Variants in CDH18 observed in about 807,000 individuals in gnomAD.
The protein encoded by CDH18 is cadherin 18.
Under a neutral mutation model 67.9 loss-of-function variants are expected in CDH18, and 31 were observed. The observed-to-expected ratio is 0.46, with a 90% confidence interval of 0.34 to 0.62. The LOEUF (loss-of-function observed/expected upper bound fraction) is 0.62, where lower values mean the gene tolerates loss of function less well. Among genes scored for constraint, CDH18 ranks in the 20% least tolerant of loss-of-function variants. The pLI, the probability that CDH18 is intolerant of heterozygous loss-of-function variation, is 0.01. For missense variants in CDH18, 890 were observed against 975.5 expected (o/e 0.91, Z 1.17); for synonymous variants, 362 against 347.2 (o/e 1.04, Z -0.48).
intron 2 of CDH18, among the ~76,000 whole-genome samples, chr5:19,875,423 G>GATAGATAGATCCATCT (rs1332395534): frequency 6.7e-6 from 1 of 149,682 alleles, no homozygotes; most frequent in African/African-American, 2.5e-5. Context: ...TAGATAGATA[G>GATAGATAGATCCATCT]ATAGATAGAT....
At chr5:20,130,641 A>G (rs1749193873) in intron 2 of CDH18, among the ~76,000 whole-genome samples, 1 of 152,032 alleles carries the variant, frequency 6.6e-6, no homozygotes, top group Non-Finnish European at 1.5e-5. Context: ...ATTGAGAGAC[A>G]TTGAACAGTT....
chr5:20,215,893 A>G (rs1007263200), intron 2 of CDH18, among the ~76,000 whole-genome samples: 5 of 152,000 alleles, frequency 3.3e-5, no homozygotes, highest in Non-Finnish European at 5.9e-5. Flanking sequence ...CAAATACTGC[A>G]TACTCTTACT....
At chr5:20,359,442 G>A (rs1162041308) in intron 1 of CDH18, among the ~76,000 whole-genome samples, 15 of 151,922 alleles carry the variant, frequency 9.9e-5, no homozygotes, top group Non-Finnish European at 1.9e-4. Context: ...TTTGCCTTTG[G>A]GGATCTTACA....
chr5:20,281,709 A>G (rs929441391), intron 1 of CDH18, among the ~76,000 whole-genome samples: 1 of 152,128 alleles, frequency 6.6e-6, no homozygotes, highest in Non-Finnish European at 1.5e-5. Context: ...TTGGTTCCAT[A>G]TGAACTTTAA....
chr5:19,652,998 T>C (rs1755795986), intron 5 of CDH18, among the ~76,000 whole-genome samples: 1 of 152,144 alleles, frequency 6.6e-6, no homozygotes, highest in Non-Finnish European at 1.5e-5. Flanking sequence ...AACCAGAAAC[T>C]GACCTACTAT....
chr5:20,544,460 G>T (rs1252953329), intron 1 of CDH18, among the ~76,000 whole-genome samples: 2 of 152,084 alleles, frequency 1.3e-5, no homozygotes, highest in Non-Finnish European at 2.9e-5. Context: ...AATTTATAAA[G>T]AAAGGATAGT....
At chr5:20,026,971 TAAATA>T (rs1182190668) in intron 2 of CDH18, among the ~76,000 whole-genome samples, 5 of 150,742 alleles carry the variant, frequency 3.3e-5, no homozygotes, top group Middle Eastern at 3.4e-3. Flanking sequence ...AAAAAAAAAA[TAAATA>T]AAATAAAATT....
chr5:20,009,268 C>T (rs1287840482), intron 2 of CDH18, among the ~76,000 whole-genome samples: 2 of 152,024 alleles, frequency 1.3e-5, no homozygotes, highest in African/African-American at 4.8e-5. Flanking sequence ...TCCATTTTCA[C>T]ATTGACCGGT....
At chr5:19,764,574 C>T (rs908880837) in intron 3 of CDH18, among the ~76,000 whole-genome samples, 3 of 151,282 alleles carry the variant, frequency 2.0e-5, no homozygotes, top group Admixed American at 2.0e-4. Flanking sequence ...ACTTAGTTCC[C>T]TTTATGCATC....
chr5:19,851,472 C>T (rs1783688213), intron 2 of CDH18, among the ~76,000 whole-genome samples: 1 of 147,848 alleles, frequency 6.8e-6, no homozygotes, highest in Non-Finnish European at 1.5e-5. Context: ...TTCCCTTCTA[C>T]CTTCCAAATG....
At chr5:19,692,060 AC>A (rs1245403146) in intron 5 of CDH18, among the ~76,000 whole-genome samples, 3 of 152,018 alleles carry the variant, frequency 2.0e-5, no homozygotes, top group Non-Finnish European at 4.4e-5. Flanking sequence ...AGAATAGAGA[AC>A]CCAGAAATAA....
intron 3 of CDH18, among the ~76,000 whole-genome samples, chr5:19,831,842 T>G (rs1017002112): frequency 6.6e-6 from 1 of 152,060 alleles, no homozygotes; most frequent in African/African-American, 2.4e-5. Flanking sequence ...AGCAAAGACA[T>G]GGATTCAATA....
chr5:20,190,331 T>C (rs746706078), intron 2 of CDH18, among the ~76,000 whole-genome samples: 1 of 152,136 alleles, frequency 6.6e-6, no homozygotes, highest in Non-Finnish European at 1.5e-5. Context: ...CAGTTCAGTG[T>C]ATGGTTTTTA....
At chr5:19,767,826 G>T (rs1447321754) in intron 3 of CDH18, among the ~76,000 whole-genome samples, 1 of 151,804 alleles carries the variant, frequency 6.6e-6, no homozygotes, top group African/African-American at 2.4e-5. Context: ...TCCAAACTTG[G>T]GAAATTGACC....
At chr5:19,963,043 T>G (rs544627997) in intron 2 of CDH18, among the ~76,000 whole-genome samples, 1 of 152,182 alleles carries the variant, frequency 6.6e-6, no homozygotes, top group East Asian at 1.9e-4. Context: ...TGATCCATAA[T>G]CATTGCTAAC....
intron 2 of CDH18, among the ~76,000 whole-genome samples, chr5:19,902,024 A>C (rs902697179): frequency 6.6e-6 from 1 of 152,152 alleles, no homozygotes; most frequent in Non-Finnish European, 1.5e-5. Context: ...TTGTATCAAA[A>C]AAACATGTAC....
intron 1 of CDH18, among the ~76,000 whole-genome samples, chr5:20,362,861 G>T (rs889904997): frequency 6.6e-6 from 1 of 152,110 alleles, no homozygotes; most frequent in African/African-American, 2.4e-5. Context: ...CTGAGTTAAA[G>T]TTGAACTGTA....
At chr5:19,986,969 T>C (rs1799623743) in intron 1 of CDH18, among the ~76,000 whole-genome samples, 1 of 152,140 alleles carries the variant, frequency 6.6e-6, no homozygotes, top group Non-Finnish European at 1.5e-5. Flanking sequence ...TGTAGTTAGT[T>C]TTTTTGGCTG....
At chr5:19,830,603 T>C (rs1680067973) in intron 3 of CDH18, among the ~76,000 whole-genome samples, 2 of 152,018 alleles carry the variant, frequency 1.3e-5, no homozygotes, top group African/African-American at 4.8e-5. Context: ...TAAATAAGTT[T>C]AGTCATGGTG....
Sources: allele counts gnomAD v4.1 joint callset (sites outside exome capture counted in the v4.1 genomes callset), GRCh38; gene constraint gnomAD v4.1.1; transcripts MANE v1.5; gene names NCBI Gene and HGNC (gene_info 2026-07-23, HGNC 2026-07-21).